Variants in FSTL5 observed in about 807,000 individuals in gnomAD.
FSTL5 encodes follistatin like 5.
FSTL5 carries 62 observed loss-of-function variants against 89.1 expected under a neutral mutation model. That is an observed-to-expected ratio of 0.70 (90% CI 0.57 to 0.86). The LOEUF (loss-of-function observed/expected upper bound fraction) is 0.86, where lower values mean the gene tolerates loss of function less well. Among genes scored for constraint, FSTL5 ranks in the 40% least tolerant of loss-of-function variants. The pLI, the probability that FSTL5 is intolerant of heterozygous loss-of-function variation, is 0.00. For synonymous variants in FSTL5, 383 were observed against 346.2 expected (o/e 1.11, Z -1.18); for missense variants, 1,057 against 1,001.6 (o/e 1.06, Z -0.75).
chr4:161,430,960 G>A (rs1002285047), intron 15 of FSTL5, among the ~76,000 whole-genome samples: 1 of 151,550 alleles, frequency 6.6e-6, no homozygotes, highest in African/African-American at 2.4e-5. Context: ...AGTATATGTA[G>A]CAGAAATACC....
At chr4:161,836,491 A>T (rs1233071080) in intron 4 of FSTL5, among the ~76,000 whole-genome samples, 1 of 151,938 alleles carries the variant, frequency 6.6e-6, no homozygotes, top group Non-Finnish European at 1.5e-5. Flanking sequence ...AGAAAAAAAA[A>T]AGTAAGAAAT....
At chr4:161,490,592 T>C (rs1729834623) in intron 12 of FSTL5, among the ~76,000 whole-genome samples, 1 of 152,164 alleles carries the variant, frequency 6.6e-6, no homozygotes, top group South Asian at 2.1e-4. Context: ...TGCTTAGTTC[T>C]TGCATCTTTC....
chr4:161,626,994 A>G (rs980770535), intron 7 of FSTL5, among the ~76,000 whole-genome samples: 1 of 152,200 alleles, frequency 6.6e-6, no homozygotes, highest in African/African-American at 2.4e-5. Context: ...GTTTCCTGAG[A>G]TGCAACCTAC....
intron 5 of FSTL5, among the ~76,000 whole-genome samples, chr4:161,767,534 C>A (rs1741056234): frequency 6.6e-6 from 1 of 152,078 alleles, no homozygotes; most frequent in Non-Finnish European, 1.5e-5. Flanking sequence ...ACAACAGCCC[C>A]AAAGAGAGTG....
At chr4:162,001,484 T>C (rs955587501) in intron 3 of FSTL5, among the ~76,000 whole-genome samples, 1 of 152,160 alleles carries the variant, frequency 6.6e-6, no homozygotes, top group African/African-American at 2.4e-5. Flanking sequence ...ATTGTTTCTA[T>C]GAGATCTAGT....
chr4:162,092,706 T>C (rs1421802874), intron 2 of FSTL5, among the ~76,000 whole-genome samples: 4 of 151,832 alleles, frequency 2.6e-5, no homozygotes, highest in Non-Finnish European at 5.9e-5. Context: ...ATCCCAGGAC[T>C]TGGGGAGGCT....
At chr4:161,901,656 G>T (rs142479551) in intron 4 of FSTL5, among the ~76,000 whole-genome samples, 1 of 152,244 alleles carries the variant, frequency 6.6e-6, no homozygotes, top group Non-Finnish European at 1.5e-5. Flanking sequence ...GGTTTAGGCC[G>T]GGCATGGTGG....
intron 7 of FSTL5, among the ~76,000 whole-genome samples, chr4:161,599,697 CT>C (rs1309398869): frequency 6.6e-6 from 1 of 152,028 alleles, no homozygotes; most frequent in Non-Finnish European, 1.5e-5. Flanking sequence ...TTCCAAAGAT[CT>C]GATAGCAGCT....
At chr4:161,579,613 A>G (rs970681284) in intron 8 of FSTL5, among the ~76,000 whole-genome samples, 7 of 151,990 alleles carry the variant, frequency 4.6e-5, no homozygotes, top group African/African-American at 7.3e-5. Context: ...GCTACTTGGG[A>G]GGCTGAAACA....
chr4:161,962,126 A>T (rs1735197780), intron 3 of FSTL5, among the ~76,000 whole-genome samples: 1 of 151,970 alleles, frequency 6.6e-6, no homozygotes, highest in Non-Finnish European at 1.5e-5. Flanking sequence ...ATTAAATATG[A>T]GTACAATCTA....
At chr4:161,510,870 C>G (rs28586588) in intron 10 of FSTL5, among the ~76,000 whole-genome samples, 2,574 of 151,904 alleles carry the variant, frequency 0.017, 70 homozygotes, top group African/African-American at 0.059. Context: ...TATTCCTGAA[C>G]AAGAAGAGTT....
intron 3 of FSTL5, among the ~76,000 whole-genome samples, chr4:161,996,289 A>G (rs891102546): frequency 1.1e-4 from 17 of 152,232 alleles, no homozygotes; most frequent in African/African-American, 4.1e-4. Context: ...AAGGTTGCTC[A>G]CCAGTGAAAT....
intron 3 of FSTL5, among the ~76,000 whole-genome samples, chr4:161,926,538 T>A (rs542707782): frequency 6.6e-6 from 1 of 151,652 alleles, no homozygotes. Context: ...CTAGGAGATA[T>A]AATTTTTGAT....
At chr4:161,540,142 A>G in intron 9 of FSTL5, among the ~76,000 whole-genome samples, 1 of 152,066 alleles carries the variant, frequency 6.6e-6, no homozygotes, top group East Asian at 1.9e-4. Flanking sequence ...ATCCTGACAC[A>G]TCTGCCTTCC....
chr4:161,627,430 C>T (rs917192788), intron 7 of FSTL5, among the ~76,000 whole-genome samples: 1 of 152,114 alleles, frequency 6.6e-6, no homozygotes, highest in African/African-American at 2.4e-5. Context: ...TAATAGAATA[C>T]ATTATAGTAT....
At chr4:162,076,178 G>A (rs1729834023) in intron 2 of FSTL5, among the ~76,000 whole-genome samples, 1 of 151,854 alleles carries the variant, frequency 6.6e-6, no homozygotes, top group Non-Finnish European at 1.5e-5. Context: ...AAAGTCTGAG[G>A]CCACAACTGA....
intron 3 of FSTL5, among the ~76,000 whole-genome samples, chr4:161,994,058 C>T (rs1056238278): frequency 1.3e-5 from 2 of 152,090 alleles, no homozygotes; most frequent in Non-Finnish European, 2.9e-5. Flanking sequence ...CGCTTTCAAC[C>T]TCATGAGGCC....
intron 8 of FSTL5, among the ~76,000 whole-genome samples, chr4:161,587,089 G>A (rs1733640136): frequency 6.6e-6 from 1 of 152,016 alleles, no homozygotes; most frequent in South Asian, 2.1e-4. Flanking sequence ...AATAACAGTA[G>A]TCTATATCAT....
At position 161,920,492 on chromosome 4, in the gene FSTL5, G is replaced by C; in HGVS notation, c.321C>G (p.Phe107Leu). The change falls in exon 4 of 16, where the codon TTC (phenylalanine) becomes TTG (leucine). Residue 107 changes from phenylalanine to leucine, a missense_variant. Coordinates refer to ENST00000306100, the MANE Select transcript of FSTL5 (RefSeq NM_020116.5). ...YKPVCGSDGEFYENHCEVHRA... is the reference protein window; with the variant it reads ...YKPVCGSDGELYENHCEVHRA... ...TGTGCACTTCACAGTGGTTTTCATA[G>C]AATTCTCCGTCAGATCCACACACAG... is the stretch of plus-strand genomic sequence containing the variant. The C allele has an allele frequency of 1.2e-6, 2 of 1,613,366 alleles. No homozygotes were observed. Among genetic ancestry groups the C allele is most frequent in the East Asian group, 4.5e-5 (2 of 44,760 alleles).
Sources: gnomAD v4.1 joint callset for allele counts (sites outside exome capture counted in the v4.1 genomes callset) on GRCh38, gnomAD v4.1.1 for gene constraint, MANE v1.5 for transcripts, NCBI Gene and HGNC (gene_info 2026-07-23, HGNC 2026-07-21) for gene names.